The following PIK3C2G variants were observed in gnomAD, a reference collection of about 807,000 sequenced individuals.
PIK3C2G encodes the protein phosphatidylinositol-4-phosphate 3-kinase catalytic subunit type 2 gamma.
In PIK3C2G, 168 loss-of-function variants were observed where a neutral mutation model predicts 181.1. The observed-to-expected ratio is 0.93, with a 90% CI of 0.82 to 1.05. PIK3C2G has a LOEUF of 1.05. Ranked by LOEUF, PIK3C2G falls within the 50% of genes least tolerant of loss-of-function variation. The probability of loss-of-function intolerance (pLI) is 0.00; values close to 1 mark genes in which losing one functional copy is unlikely to be tolerated. For missense variants in PIK3C2G, 1,869 were observed against 1,732.8 expected, an observed-to-expected ratio of 1.08 and a Z score of -1.40; for synonymous variants, 573 against 592.2, an observed-to-expected ratio of 0.97 and a Z score of 0.47.
At chr12:18,591,221 A>G (rs1347299843) in intron 29 of PIK3C2G, among the ~76,000 whole-genome samples, 2 of 151,908 alleles carry the variant, frequency 1.3e-5, no homozygotes, top group African/African-American at 4.8e-5. Context: ...TTGGCAACTG[A>G]CTAATTTACA....
intron 26 of PIK3C2G, among the ~76,000 whole-genome samples, chr12:18,550,005 A>AT (rs761507826): frequency 6.6e-6 from 1 of 151,912 alleles, no homozygotes; most frequent in Non-Finnish European, 1.5e-5. Flanking sequence ...TCTCAGTCAT[A>AT]TTTTTTAATC....
chr12:18,438,785 C>A (rs1234136755), intron 18 of PIK3C2G, among the ~76,000 whole-genome samples: 2 of 151,814 alleles, frequency 1.3e-5, no homozygotes, highest in Non-Finnish European at 2.9e-5. Context: ...TCAGGCCTCT[C>A]CTAAGCTGGG....
At chr12:18,412,038 C>A (rs918939494) in intron 16 of PIK3C2G, among the ~76,000 whole-genome samples, 1 of 152,140 alleles carries the variant, frequency 6.6e-6, no homozygotes, top group African/African-American at 2.4e-5. Flanking sequence ...AATTTTATTT[C>A]ATGACTCCAC....
chr12:18,573,065 G>GT (rs1348310207), intron 29 of PIK3C2G, among the ~76,000 whole-genome samples: 1 of 152,086 alleles, frequency 6.6e-6, no homozygotes, highest in East Asian at 1.9e-4. Flanking sequence ...ATTCTAATGT[G>GT]TAATGTTTCT....
At chr12:18,693,629 G>A in the PIK3C2G span, 1 of 1,567,044 alleles carries the variant, frequency 6.4e-7, no homozygotes, top group Admixed American at 1.7e-5. Context: ...TGTGTTTATT[G>A]ATGAAATTGA....
downstream of PIK3C2G, among the ~76,000 whole-genome samples, chr12:18,650,694 GTGTGTGTGTGTATATATC>G (rs1565602304): frequency 0.01 from 401 of 38,728 alleles, 4 homozygotes; most frequent in Middle Eastern, 0.025. Flanking sequence ...GTGTGTGTGT[GTGTGTGTGTGTATATATC>G]TATATATATA....
intron 11 of PIK3C2G, among the ~76,000 whole-genome samples, chr12:18,357,550 A>G (rs1314848216): frequency 6.6e-6 from 1 of 152,242 alleles, no homozygotes; most frequent in Non-Finnish European, 1.5e-5. Flanking sequence ...TGAATTTCAC[A>G]TTAGAAGTTT....
At chr12:18,705,918 T>C in the PIK3C2G span, among the ~76,000 whole-genome samples, 1 of 149,486 alleles carries the variant, frequency 6.7e-6, no homozygotes, top group African/African-American at 2.5e-5. Flanking sequence ...TATAAAGGAA[T>C]GATATAGACC....
intron 1 of PIK3C2G, among the ~76,000 whole-genome samples, chr12:18,280,012 TGATA>T (rs1167108479): frequency 6.6e-6 from 1 of 152,028 alleles, no homozygotes; most frequent in Non-Finnish European, 1.5e-5. Context: ...AACAAAAGAT[TGATA>T]GAGAAATGTT....
At chr12:18,476,055 T>TA (rs1256770104) in intron 18 of PIK3C2G, among the ~76,000 whole-genome samples, 2 of 152,098 alleles carry the variant, frequency 1.3e-5, no homozygotes, top group African/African-American at 4.8e-5. Flanking sequence ...AAAGACGTTT[T>TA]AAAAAAACTA....
intron 29 of PIK3C2G, among the ~76,000 whole-genome samples, chr12:18,577,062 C>G (rs1946266129): frequency 6.6e-6 from 1 of 152,132 alleles, no homozygotes; most frequent in Non-Finnish European, 1.5e-5. Context: ...CATCTGATTT[C>G]TGGGACTGGT....
intron 24 of PIK3C2G, among the ~76,000 whole-genome samples, chr12:18,536,736 C>A (rs1353562297): frequency 6.6e-6 from 1 of 152,050 alleles, no homozygotes; most frequent in Non-Finnish European, 1.5e-5. Flanking sequence ...TCTCTTCTCC[C>A]AGCTTGGCTA....
At chr12:18,621,876 A>C (rs1026188107) in intron 31 of PIK3C2G, among the ~76,000 whole-genome samples, 1 of 151,318 alleles carries the variant, frequency 6.6e-6, no homozygotes, top group Non-Finnish European at 1.5e-5. Flanking sequence ...ATTAACAATC[A>C]ACACACACAC....
chr12:18,705,306 A>G, the PIK3C2G span: 1 of 1,614,138 alleles, frequency 6.2e-7, no homozygotes, highest in Admixed American at 1.7e-5. Context: ...ACCACTGGGT[A>G]GTCAGATGTC....
chr12:18,672,835 G>C, the PIK3C2G span, among the ~76,000 whole-genome samples: 1 of 152,266 alleles, frequency 6.6e-6, no homozygotes, highest in South Asian at 2.1e-4. Context: ...CTTCGATGTA[G>C]TCCATTCAGG....
the PIK3C2G span, among the ~76,000 whole-genome samples, chr12:18,703,783 C>A: frequency 1.3e-5 from 2 of 152,140 alleles, no homozygotes; most frequent in African/African-American, 4.8e-5. Flanking sequence ...TCTTGTGTGT[C>A]CCAGAAAGCT....
At chr12:18,637,433 G>C (rs1329898909) in intron 31 of PIK3C2G, among the ~76,000 whole-genome samples, 5 of 147,246 alleles carry the variant, frequency 3.4e-5, no homozygotes, top group Non-Finnish European at 7.4e-5. Context: ...AATGAAATAA[G>C]AATTTGTAGT....
intron 14 of PIK3C2G, among the ~76,000 whole-genome samples, chr12:18,382,354 G>T (rs1329682010): frequency 2.0e-5 from 3 of 151,904 alleles, no homozygotes; most frequent in Non-Finnish European, 4.4e-5. Flanking sequence ...TTTTCTTAAA[G>T]TCTCTCTACT....
chr12:18,714,882 C>T, the PIK3C2G span: 4 of 151,826 alleles, frequency 2.6e-5, no homozygotes, highest in African/African-American at 9.7e-5. Context: ...TTTGAGAAAC[C>T]CTGCTGTAAG....
Sources: allele counts gnomAD v4.1 joint callset (sites outside exome capture counted in the v4.1 genomes callset), GRCh38; gene constraint gnomAD v4.1.1; transcripts MANE v1.5; gene names NCBI Gene and HGNC (gene_info 2026-07-23, HGNC 2026-07-21).